PLCB1: variants seen among roughly 807,000 people sequenced by gnomAD.
The protein encoded by PLCB1 is phospholipase C beta 1.
In PLCB1, 46 loss-of-function variants were observed where a neutral mutation model predicts 161.8. The observed-to-expected ratio is 0.28, with a 90% confidence interval of 0.22 to 0.36. The LOEUF (loss-of-function observed/expected upper bound fraction) is 0.36, where lower values mean the gene tolerates loss of function less well. Ranked by LOEUF, PLCB1 falls within the 10% of genes least tolerant of loss-of-function variation. The pLI is 1.00. For synonymous variants in PLCB1, 517 were observed against 503.7 expected (o/e 1.03, Z -0.35); for missense variants, 1,016 against 1,472.5 (o/e 0.69, Z 5.07).
chr20:8,140,863 A>G (rs1247462320), intron 1 of PLCB1, among the ~76,000 whole-genome samples: 1 of 151,866 alleles, frequency 6.6e-6, no homozygotes, highest in African/African-American at 2.4e-5. Context: ...CAATGGCGCA[A>G]TCTCGGCTCA....
At chr20:8,560,101 T>G (rs1015873128) in intron 3 of PLCB1, among the ~76,000 whole-genome samples, 3 of 152,016 alleles carry the variant, frequency 2.0e-5, no homozygotes, top group Non-Finnish European at 2.9e-5. Flanking sequence ...CCTGGGAGGC[T>G]GATAGAAAAT....
At chr20:8,514,738 G>T (rs1327101497) in intron 3 of PLCB1, among the ~76,000 whole-genome samples, 1 of 151,954 alleles carries the variant, frequency 6.6e-6, no homozygotes, top group Non-Finnish European at 1.5e-5. Context: ...GTATCTTTTT[G>T]CTAGTTTCAT....
In PLCB1 at chr20:8,554,840, T is replaced by G. The variant is rs1985898629; in HGVS notation, c.247-73454T>G. Among the ~76,000 whole-genome samples, 3 of 152,152 alleles carry G rather than the reference T, an allele frequency of 2.0e-5. No homozygotes were observed. In the South Asian group the frequency reaches 6.2e-4, roughly 31 times the overall value. ...AGTATCACCTGTTGCTGTTCTACGT[T>G]AACTCAGGAGCTAAATTCAAATTCA... On this transcript the variant is annotated intron_variant, in intron 3 of 31. Transcript: ENST00000338037.
intron 2 of PLCB1, among the ~76,000 whole-genome samples, chr20:8,248,319 C>T (rs1052952803): frequency 1.3e-5 from 2 of 151,912 alleles, no homozygotes; most frequent in Non-Finnish European, 2.9e-5. Flanking sequence ...GCACTTCCAG[C>T]TCTCCATAGT....
chr20:8,343,360 G>A (rs1322451832), intron 2 of PLCB1, among the ~76,000 whole-genome samples: 1 of 152,150 alleles, frequency 6.6e-6, no homozygotes, highest in Non-Finnish European at 1.5e-5. Flanking sequence ...TAGGCCCTAT[G>A]GCAAGATATT....
chr20:8,142,656 G>T (rs756153870), intron 1 of PLCB1, among the ~76,000 whole-genome samples: 2 of 152,144 alleles, frequency 1.3e-5, no homozygotes, highest in Non-Finnish European at 2.9e-5. Context: ...ATTCAGAAGC[G>T]TTGGGAGTGA....
chr20:8,714,118 CA>C, intron 12 of PLCB1, among the ~76,000 whole-genome samples: 1 of 152,192 alleles, frequency 6.6e-6, no homozygotes, highest in Admixed American at 6.5e-5. Context: ...TAATCAATCG[CA>C]GTGGTTTTCA....
chr20:8,370,490 C>T (rs1005117609), intron 2 of PLCB1, among the ~76,000 whole-genome samples: 7 of 152,264 alleles, frequency 4.6e-5, no homozygotes, highest in African/African-American at 1.2e-4. Flanking sequence ...CTCCTTTCCC[C>T]GCAATGTTCT....
At chr20:8,413,687 A>T (rs1167294198) in intron 3 of PLCB1, among the ~76,000 whole-genome samples, 1 of 152,232 alleles carries the variant, frequency 6.6e-6, no homozygotes, top group Non-Finnish European at 1.5e-5. Flanking sequence ...CATCCAATAG[A>T]CAACTAAATT....
At chr20:8,449,666 C>T (rs1167051364) in intron 3 of PLCB1, among the ~76,000 whole-genome samples, 1 of 152,152 alleles carries the variant, frequency 6.6e-6, no homozygotes, top group East Asian at 1.9e-4. Flanking sequence ...CAGGGGTGAG[C>T]CCCCCACTCA....
intron 3 of PLCB1, among the ~76,000 whole-genome samples, chr20:8,435,980 A>G (rs1052238884): frequency 6.6e-6 from 1 of 152,140 alleles, no homozygotes; most frequent in Admixed American, 6.5e-5. Context: ...ATACACTAAA[A>G]TTCCTCTCCA....
chr20:8,523,464 G>GGC (rs1984433043), intron 3 of PLCB1, among the ~76,000 whole-genome samples: 1 of 42,862 alleles, frequency 2.3e-5, no homozygotes, highest in Admixed American at 2.7e-4. Flanking sequence ...ATATATATTT[G>GGC]GCTCTCTCTC....
chr20:8,535,191 G>A (rs1568497438), intron 3 of PLCB1, among the ~76,000 whole-genome samples: 2 of 71,646 alleles, frequency 2.8e-5, no homozygotes, highest in East Asian at 5.1e-4. Flanking sequence ...TCAGAAAATA[G>A]AGTTTATGGG....
chr20:8,675,110 CA>C (rs1433017457), intron 9 of PLCB1, among the ~76,000 whole-genome samples: 1 of 152,118 alleles, frequency 6.6e-6, no homozygotes, highest in Non-Finnish European at 1.5e-5. Context: ...CAAGTATCAA[CA>C]TATCTGATGA....
chr20:8,242,307 G>T (rs1191396457), intron 2 of PLCB1, among the ~76,000 whole-genome samples: 1 of 151,884 alleles, frequency 6.6e-6, no homozygotes, highest in African/African-American at 2.4e-5. Flanking sequence ...TCTATCCCTG[G>T]TCCACTCAGC....
intron 10 of PLCB1, among the ~76,000 whole-genome samples, chr20:8,688,259 G>A (rs1259819602): frequency 6.6e-6 from 1 of 152,188 alleles, no homozygotes; most frequent in Non-Finnish European, 1.5e-5. Flanking sequence ...TGTATAGATT[G>A]TGAATATTTT....
intron 31 of PLCB1, among the ~76,000 whole-genome samples, chr20:8,877,745 A>G (rs565796652): frequency 3.9e-5 from 6 of 152,370 alleles, no homozygotes; most frequent in African/African-American, 1.4e-4. Context: ...TTATAAGAAG[A>G]AAAAGCAAAA....
At chr20:8,524,013 C>T (rs774410583) in intron 3 of PLCB1, among the ~76,000 whole-genome samples, 3 of 152,064 alleles carry the variant, frequency 2.0e-5, no homozygotes, top group Non-Finnish European at 4.4e-5. Flanking sequence ...TACCAAAAAG[C>T]TTCCAACAAT....
rs1277924250 is a variant in PLCB1 at position 8,745,254 on chromosome 20, T to C, written c.2523+3681T>C. 3.9e-5 allele frequency among the ~76,000 whole-genome samples: 6 copies of C among 152,352 alleles called. No individual in the cohort carries two copies. The East Asian group carries it at 1.2e-3, about 29-fold the overall frequency. On this transcript the variant is annotated intron_variant, in intron 23 of 31. Transcript: ENST00000338037. Reference sequence around the variant, plus strand: ...GAGCATCAGTGTGTCTTTTTTCTTGTCTTGGAATAATGTAAGTTTGTTTGA... The same window carrying C: ...GAGCATCAGTGTGTCTTTTTTCTTGCCTTGGAATAATGTAAGTTTGTTTGA...
Sources: gnomAD v4.1 joint callset for allele counts (sites outside exome capture counted in the v4.1 genomes callset) on GRCh38, gnomAD v4.1.1 for gene constraint, MANE v1.5 for transcripts, NCBI Gene and HGNC (gene_info 2026-07-23, HGNC 2026-07-21) for gene names.